Variants in DCAKD observed in about 807,000 individuals in gnomAD.
DCAKD encodes the protein dephospho-CoA kinase domain-containing protein.
A neutral mutation model predicts 18.7 loss-of-function variants in DCAKD; 15 were observed. The observed-to-expected ratio is 0.80, with a 90% CI of 0.54 to 1.24. The LOEUF (loss-of-function observed/expected upper bound fraction) is 1.24, where lower values mean the gene tolerates loss of function less well. DCAKD is among the 50% of genes most tolerant of loss of function. DCAKD has a pLI of 0.00. For missense variants in DCAKD, 301 were observed against 322.0 expected (o/e 0.93, Z 0.50); for synonymous variants, 130 against 133.0 (o/e 0.98, Z 0.16).
chr17:45,032,073 A>G, intron 3 of DCAKD: 1 of 985,422 alleles, frequency 1.0e-6, no homozygotes, highest in Non-Finnish European at 1.2e-6. Context: ...GTTTAATTTC[A>G]GAAGGGGAGA....
At chr17:45,035,772 C>A (rs1020082008) in intron 1 of DCAKD, among the ~76,000 whole-genome samples, 7 of 152,136 alleles carry the variant, frequency 4.6e-5, no homozygotes, top group Non-Finnish European at 7.3e-5. Flanking sequence ...CAAAAGAGAC[C>A]ACAAATAGAG....
upstream of DCAKD, among the ~76,000 whole-genome samples, chr17:45,052,254 C>G (rs2053723892): frequency 6.6e-6 from 1 of 152,158 alleles, no homozygotes; most frequent in Non-Finnish European, 1.5e-5. Context: ...CTGCAGGGTC[C>G]TAACTTCGGA....
chr17:45,050,038 TTTTC>T (rs112386425), intron 1 of DCAKD, among the ~76,000 whole-genome samples: 10 of 147,682 alleles, frequency 6.8e-5, no homozygotes, highest in South Asian at 2.2e-4. Flanking sequence ...GCAGGTAATT[TTTTC>T]TTTCTTTCTT....
chr17:45,045,259 T>C (rs139847520), intron 1 of DCAKD, among the ~76,000 whole-genome samples: 5 of 152,278 alleles, frequency 3.3e-5, no homozygotes, highest in African/African-American at 1.2e-4. Context: ...TCCCCAAATA[T>C]ATAAAACAGC....
intron 4 of DCAKD, 116 bp from the exon 5 acceptor site, chr17:45,024,840 C>T: frequency 7.7e-7 from 1 of 1,294,460 alleles, no homozygotes; most frequent in Non-Finnish European, 1.0e-6. Flanking sequence ...CTGGATCTTC[C>T]CTCCAACCCT....
At chr17:45,049,145 G>A (rs1386022239) in intron 1 of DCAKD, among the ~76,000 whole-genome samples, 3 of 151,868 alleles carry the variant, frequency 2.0e-5, no homozygotes, top group Non-Finnish European at 4.4e-5. Context: ...ATGAGTTCAA[G>A]AAGGAAAAAG....
intron 1 of DCAKD, among the ~76,000 whole-genome samples, chr17:45,059,555 C>G (rs918439576): frequency 6.6e-6 from 1 of 152,214 alleles, no homozygotes; most frequent in African/African-American, 2.4e-5. Context: ...AACATTCAAT[C>G]AAGGTTAAAA....
intron 1 of DCAKD, among the ~76,000 whole-genome samples, chr17:45,042,736 T>C (rs901372196): frequency 5.3e-5 from 8 of 152,166 alleles, no homozygotes; most frequent in African/African-American, 1.9e-4. Context: ...TGGTGAGAGG[T>C]TGCTGTTTAA....
At chr17:45,039,674 T>A (rs931944640) in intron 1 of DCAKD, among the ~76,000 whole-genome samples, 1 of 152,196 alleles carries the variant, frequency 6.6e-6, no homozygotes. Context: ...CCTTCCCTCC[T>A]CTGAGCCTCA....
chr17:45,046,615 CAAAAAA>C (rs746591313), intron 1 of DCAKD, among the ~76,000 whole-genome samples: 7 of 50,170 alleles, frequency 1.4e-4, no homozygotes, highest in Non-Finnish European at 2.6e-4. Flanking sequence ...GATTCCATCT[CAAAAAA>C]AAAAAAAAAA....
chr17:45,047,566 C>T (rs1400300740), intron 1 of DCAKD, among the ~76,000 whole-genome samples: 2 of 139,892 alleles, frequency 1.4e-5, no homozygotes, highest in African/African-American at 2.7e-5. Flanking sequence ...AATGCAGTGG[C>T]GCGATCTTGG....
rs774461028 is a variant in DCAKD, at chr17:45,030,154, G to C, written c.342C>G (p.Ile114Met). ...LRGYRYVILD[I>M]PLLFETKKLL... ...ACTTCTTGGTCTCAAACAGCAGGGG[G>C]ATATCCAGAATCACGTAGCGGTATC... Residue 114 changes from isoleucine to methionine, a missense_variant, in exon 4 of 5, where the codon ATC (isoleucine) becomes ATG (methionine). Physicochemically the swap from Ile to Met is conservative, Grantham distance 10 (BLOSUM62 1). Coordinates refer to ENST00000651974, the MANE Select transcript of DCAKD (RefSeq NM_001288655.2). 2 of 1,614,148 alleles carry C rather than the reference G, an allele frequency of 1.2e-6. No homozygotes were observed. Among genetic ancestry groups the C allele is most frequent in the Admixed American group, 3.3e-5 (2 of 60,018 alleles).
chr17:45,032,294 C>T (rs2053186271), intron 3 of DCAKD, among the ~76,000 whole-genome samples: 1 of 152,060 alleles, frequency 6.6e-6, no homozygotes, highest in South Asian at 2.1e-4. Flanking sequence ...TGAGATGGAG[C>T]GCACACGCTG....
chr17:45,054,187 C>T, upstream of DCAKD: 1 of 516,240 alleles, frequency 1.9e-6, no homozygotes, highest in South Asian at 1.4e-5. Context: ...TCCACATTAT[C>T]TCTGCCATGT....
rs200570991 is a variant in DCAKD, at chr17:45,034,918, G to A, written c.-33C>T. 2.0e-4 allele frequency: 326 copies of A among 1,607,602 alleles called. No individual in the cohort carries two copies. The highest frequency in any genetic ancestry group is 2.5e-4 in the Non-Finnish European group (297 of 1,175,138). On this transcript the variant is annotated 5_prime_UTR_variant, in exon 2 of 5. Coordinates refer to ENST00000651974, the MANE Select transcript of DCAKD (RefSeq NM_001288655.2). ...GAAAGAGAGCTGTCCGCGAGACTAC[G>A]GAGCCAGGAGCTACAGAATCACTGG...
intron 4 of DCAKD, among the ~76,000 whole-genome samples, chr17:45,025,744 CT>C (rs66731834): frequency 0.19 from 19,915 of 102,824 alleles, 1,246 homozygotes; most frequent in Non-Finnish European, 0.21. Flanking sequence ...TTGGTTCCTT[CT>C]TTTTTTTTTT....
intron 1 of DCAKD, among the ~76,000 whole-genome samples, chr17:45,035,652 C>A (rs780865370): frequency 9.2e-5 from 14 of 152,006 alleles, no homozygotes; most frequent in Non-Finnish European, 1.3e-4. Context: ...TGTGGTAGAC[C>A]CACAGCACTC....
At chr17:45,057,115 T>G (rs2053789594) in intron 1 of DCAKD, among the ~76,000 whole-genome samples, 1 of 152,088 alleles carries the variant, frequency 6.6e-6, no homozygotes, top group Non-Finnish European at 1.5e-5. Context: ...TTGTCCGGGC[T>G]GGAGTGCAGT....
chr17:45,042,396 C>G (rs1352423529), intron 1 of DCAKD, among the ~76,000 whole-genome samples: 1 of 152,164 alleles, frequency 6.6e-6, no homozygotes, highest in East Asian at 1.9e-4. Flanking sequence ...AAATTCTGTT[C>G]CTTCTCATCC....
Sources: allele counts gnomAD v4.1 joint callset (sites outside exome capture counted in the v4.1 genomes callset), GRCh38; gene constraint gnomAD v4.1.1; transcripts MANE v1.5; gene names NCBI Gene and HGNC (gene_info 2026-07-23, HGNC 2026-07-21).